Variants in ITGAV observed in about 807,000 individuals in gnomAD.
ITGAV encodes the protein integrin alpha-V.
In ITGAV, 76 loss-of-function variants were observed where a neutral mutation model predicts 143.8. The observed-to-expected ratio is 0.53, with a 90% confidence interval of 0.44 to 0.64. The LOEUF (loss-of-function observed/expected upper bound fraction) is 0.64, where lower values mean the gene tolerates loss of function less well. Ranked by LOEUF, ITGAV falls within the 30% of genes least tolerant of loss-of-function variation. ITGAV has a pLI of 0.00. For synonymous variants in ITGAV, 453 were observed against 446.7 expected, an observed-to-expected ratio of 1.01 and a Z score of -0.18; for missense variants, 1,193 against 1,274.7, an observed-to-expected ratio of 0.94 and a Z score of 0.98.
chr2:186,630,559 T>C (rs542104673), intron 4 of ITGAV, among the ~76,000 whole-genome samples: 48 of 152,160 alleles, frequency 3.2e-4, no homozygotes, highest in South Asian at 1.0e-3. Flanking sequence ...TTTAGTTGGT[T>C]TCTTTGTTCT....
intron 1 of ITGAV, among the ~76,000 whole-genome samples, chr2:186,595,467 T>C (rs1241523580): frequency 1.3e-5 from 2 of 152,168 alleles, no homozygotes; most frequent in Admixed American, 6.5e-5. Flanking sequence ...TCTCACTGCC[T>C]CCTCTGATAC....
intron 1 of ITGAV, among the ~76,000 whole-genome samples, chr2:186,591,327 C>A (rs1196273846): frequency 6.6e-6 from 1 of 152,122 alleles, no homozygotes; most frequent in African/African-American, 2.4e-5. Context: ...CAGTTATTGC[C>A]ATTATTGTGT....
intron 12 of ITGAV, among the ~76,000 whole-genome samples, chr2:186,645,829 G>A (rs541188311): frequency 6.6e-5 from 10 of 152,046 alleles, no homozygotes; most frequent in Non-Finnish European, 1.2e-4. Flanking sequence ...AAAATTAGCC[G>A]GGCATGGTGG....
At chr2:186,629,026 A>G (rs569785416) in intron 4 of ITGAV, among the ~76,000 whole-genome samples, 1 of 152,218 alleles carries the variant, frequency 6.6e-6, no homozygotes, top group East Asian at 1.9e-4. Flanking sequence ...AAGACTTAAA[A>G]AGTTAATGTC....
intron 2 of ITGAV, among the ~76,000 whole-genome samples, chr2:186,614,788 A>G (rs1008433565): frequency 6.6e-6 from 1 of 151,940 alleles, no homozygotes; most frequent in African/African-American, 2.4e-5. Flanking sequence ...TTTTATATAT[A>G]TATACATTTC....
intron 4 of ITGAV, among the ~76,000 whole-genome samples, chr2:186,629,837 T>C (rs140534925): frequency 9.0e-4 from 137 of 152,228 alleles, no homozygotes; most frequent in African/African-American, 3.0e-3. Flanking sequence ...TTCTCTGTTA[T>C]CCTCAAAGTA....
At chr2:186,594,212 G>GTTGACTAGCCTGTCTTAACTCAAT (rs1410154544) in intron 1 of ITGAV, among the ~76,000 whole-genome samples, 1 of 152,086 alleles carries the variant, frequency 6.6e-6, no homozygotes, top group Admixed American at 6.5e-5. Flanking sequence ...ATCATTTCTC[G>GTTGACTAGCCTGTCTTAACTCAAT]TTGACTAGCC....
In ITGAV at chr2:186,590,159, G is replaced by T. The variant is rs891947493; in HGVS notation, c.-180G>T. On this transcript the variant is annotated 5_prime_UTR_variant, in exon 1 of 30. Coordinates refer to ENST00000261023, the MANE Select transcript of ITGAV (RefSeq NM_002210.5). ...CGCGCGCTCTGCGCCCCTCGTCCCT[G>T]GCGGTCGCTCCGAAGCTCAGCCCTC... 1.1e-4 allele frequency: 49 copies of T among 465,370 alleles called. No homozygotes were observed. The highest frequency in any genetic ancestry group is 1.1e-3 in the Middle Eastern group (2 of 1,762). 28.8% of individuals were successfully genotyped at this position (465,370 alleles called of 1,614,324 possible).
intron 14 of ITGAV, among the ~76,000 whole-genome samples, chr2:186,651,754 A>G (rs1688438761): frequency 6.6e-6 from 1 of 152,180 alleles, no homozygotes; most frequent in African/African-American, 2.4e-5. Flanking sequence ...TCTGGAACTG[A>G]GCGATTTCCC....
Position 186,675,927 on chromosome 2 carries a change from G to C in ITGAV, c.2928G>C (p.Leu976Phe). 1 of 1,477,772 alleles carries C rather than the reference G, an allele frequency of 6.8e-7. No individual in the cohort carries two copies. The highest frequency in any genetic ancestry group is 9.5e-7 in the Non-Finnish European group (1 of 1,057,302). The allele number at this position is 1,477,772 out of a possible 1,614,324, so 91.5% of individuals were successfully genotyped here. A position where few individuals can be genotyped will look rare whatever the true frequency, so the allele number is the denominator to read the frequency against. Residue 976 changes from leucine to phenylalanine, a missense_variant and splice_region_variant, in exon 28 of 30, where the codon TTG becomes TTC. Transcript: ENST00000261023. ...TTGAGGATATCACCAACTCCACATT[G>C]GTAAGTCATTGGTTTAGGCAAATAG... ...LPIEDITNST[L>F]VTTNVTWGIQ...
At chr2:186,668,204 ATATATATATATATTTTTTTT>A (rs1243037716) in intron 24 of ITGAV, among the ~76,000 whole-genome samples, 1 of 12,620 alleles carries the variant, frequency 7.9e-5, no homozygotes, top group Non-Finnish European at 2.0e-4. Flanking sequence ...ATATATATAT[ATATATATATATATTTTTTTT>A]TTTTTTTTTT....
intron 17 of ITGAV, among the ~76,000 whole-genome samples, chr2:186,657,061 A>G (rs968637736): frequency 2.0e-5 from 3 of 151,952 alleles, no homozygotes; most frequent in Non-Finnish European, 4.4e-5. Flanking sequence ...TTAGACCCAC[A>G]AAGACCAGCT....
chr2:186,651,017 A>G lies in ITGAV; in HGVS notation c.1398-965A>G, dbSNP rs61762243. 7.6e-3 allele frequency among the ~76,000 whole-genome samples: 1,164 copies of G among 152,278 alleles called. 15 individuals are homozygous for G. The highest frequency in any genetic ancestry group is 0.027 in the African/African-American group (1,110 of 41,546). ...GTATGTAATGAAACCCCAAATGAAT[A>G]TTTTTATTAGAGCAATATGTATGAA... is the stretch of plus-strand genomic sequence containing the variant. On this transcript the variant is annotated intron_variant, in intron 14 of 29. Coordinates refer to ENST00000261023, the MANE Select transcript of ITGAV (RefSeq NM_002210.5).
At chr2:186,616,885 C>T (rs1687379439) in intron 2 of ITGAV, among the ~76,000 whole-genome samples, 1 of 151,324 alleles carries the variant, frequency 6.6e-6, no homozygotes. Context: ...AATAAGCATA[C>T]TTTATTGGAT....
chr2:186,641,518 A>C lies in ITGAV; in HGVS notation c.1089A>C (p.Gly363=), dbSNP rs200626232. The C allele has an allele frequency of 1.8e-4, 288 of 1,614,014 alleles. No individual in the cohort carries two copies. Among genetic ancestry groups the C allele is most frequent in the Non-Finnish European group, 2.4e-4 (281 of 1,180,042 alleles). The change falls in exon 12 of 30, where the codon GGA becomes GGC. Residue 363 remains glycine (G), a synonymous_variant. Transcript: ENST00000261023. ...SGDFQTTKLN[G]FEVFARFGSA... ...ACTTCCAGACGACAAAGCTGAATGG[A>C]TTTGAGGTCTTTGCACGGTTTGGCA...
chr2:186,603,864 T>G (rs1686983775), intron 2 of ITGAV, among the ~76,000 whole-genome samples: 1 of 148,282 alleles, frequency 6.7e-6, no homozygotes, highest in African/African-American at 2.5e-5. Context: ...AGCAATCACT[T>G]TTTTTTTTTT....
In ITGAV at chr2:186,656,392, G is replaced by C. The variant is rs112803582; in HGVS notation, c.1710G>C (p.Ala570=). The change falls in exon 17 of 30, where the codon GCG becomes GCC. Residue 570 remains alanine, a synonymous_variant. Coordinates refer to ENST00000261023, the MANE Select transcript of ITGAV (RefSeq NM_002210.5). ...GGLMQCEELI[A]YLRDESEFRD... ...TGATGCAGTGTGAGGAATTGATAGC[G>C]TATCTGCGGGTAAGAGCTAACTTTT... The C allele has an allele frequency of 4.0e-6, 6 of 1,482,632 alleles. No homozygotes were observed. The highest frequency in any genetic ancestry group is 5.4e-6 in the Non-Finnish European group (6 of 1,121,390). 91.8% of individuals were successfully genotyped at this position (1,482,632 alleles called of 1,614,324 possible).
chr2:186,636,463 G>T (rs1687949671), intron 7 of ITGAV, among the ~76,000 whole-genome samples: 1 of 152,126 alleles, frequency 6.6e-6, no homozygotes, highest in South Asian at 2.1e-4. Flanking sequence ...TGTGTTCTGG[G>T]CATTGTTCAA....
In ITGAV at chr2:186,649,817, ATGT is replaced by A; in HGVS notation, c.1352-21_1352-19del. 3 of 1,520,460 alleles carry A rather than the reference ATGT, an allele frequency of 2.0e-6. No individual in the cohort carries two copies. Among genetic ancestry groups the A allele is most frequent in the Non-Finnish European group, 9.0e-7 (1 of 1,110,772 alleles). The allele number at this position is 1,520,460 out of a possible 1,614,324, so 94.2% of individuals were successfully genotyped here. A position where few individuals can be genotyped will look rare whatever the true frequency, so the allele number is the denominator to read the frequency against. ...TTTAAAAACCATTATCATTATTAAC[ATGT>A]TTTTCCACTCTTTCTTAAGACTTAA... On this transcript the variant is annotated intron_variant, in intron 13 of 29. Coordinates refer to ENST00000261023, the MANE Select transcript of ITGAV (RefSeq NM_002210.5).
Sources: allele counts gnomAD v4.1 joint callset (sites outside exome capture counted in the v4.1 genomes callset), GRCh38; gene constraint gnomAD v4.1.1; transcripts MANE v1.5; gene names NCBI Gene and HGNC (gene_info 2026-07-23, HGNC 2026-07-21).